CDK12: variants seen among roughly 807,000 people sequenced by gnomAD.
The protein encoded by CDK12 is cyclin dependent kinase 12.
A neutral mutation model predicts 133.8 loss-of-function variants in CDK12; 17 were observed. The observed-to-expected ratio is 0.13, with a 90% CI of 0.09 to 0.19. The LOEUF (loss-of-function observed/expected upper bound fraction) is 0.19. Among genes scored for constraint, CDK12 ranks in the 10% least tolerant of loss-of-function variants. CDK12 has a pLI of 1.00. For synonymous variants in CDK12, 694 were observed against 683.6 expected (o/e 1.02, Z -0.24); for missense variants, 1,508 against 1,818.7 (o/e 0.83, Z 3.11).
chr17:39,535,883 T>C (rs1199480471), downstream of CDK12, among the ~76,000 whole-genome samples: 1 of 152,214 alleles, frequency 6.6e-6, no homozygotes, highest in Non-Finnish European at 1.5e-5. Flanking sequence ...CTAAGTGGAA[T>C]GGGAATGGGG....
At chr17:39,464,834 C>T (rs2049184622) in intron 1 of CDK12, among the ~76,000 whole-genome samples, 2 of 151,470 alleles carry the variant, frequency 1.3e-5, no homozygotes, top group African/African-American at 4.9e-5. Context: ...CATCTGTAGT[C>T]CCCACTGCCT....
intron 1 of CDK12, among the ~76,000 whole-genome samples, chr17:39,539,556 T>C (rs1233611380): frequency 6.6e-6 from 1 of 152,146 alleles, no homozygotes; most frequent in Non-Finnish European, 1.5e-5. Context: ...ATTAATATCA[T>C]TAGCAGAGGC....
Position 39,483,367 on chromosome 17 carries a change from C to T in CDK12, c.1932-7190C>T, listed in dbSNP as rs115768665. Among the ~76,000 whole-genome samples, 1,469 of 151,852 alleles carry T rather than the reference C, an allele frequency of 9.7e-3. 30 individuals are homozygous for T. The highest frequency in any genetic ancestry group is 0.033 in the African/African-American group (1,383 of 41,366). ...GTATCCTCTACCTGCTAGGCTGGAG[C>T]GATCTTTCCACCTCAGCCTCTCAAG... On this transcript the variant is annotated intron_variant, in intron 2 of 13. Transcript: ENST00000447079.
intron 3 of CDK12, among the ~76,000 whole-genome samples, chr17:39,491,098 A>G (rs1379779011): frequency 6.6e-6 from 1 of 152,104 alleles, no homozygotes; most frequent in Non-Finnish European, 1.5e-5. Flanking sequence ...TAGATATGGG[A>G]TTTTTCTTCC....
chr17:39,508,622 C>A (rs929978965), intron 6 of CDK12, among the ~76,000 whole-genome samples: 1 of 151,892 alleles, frequency 6.6e-6, no homozygotes, highest in Non-Finnish European at 1.5e-5. Context: ...CACCATGGCA[C>A]ACATTTACCT....
Position 39,520,085 on chromosome 17 carries a change from A to G in CDK12, c.3093A>G (p.Pro1031=). Residue 1031 remains proline, a splice_region_variant and synonymous_variant, in exon 11 of 14, where the codon CCA becomes CCG. Transcript: ENST00000447079. ...KDVELSKMAP[P]DLPHWQDCHE... ...TCGAACTCAGCAAAATGGCTCCTCC[A>G]GAGTAAGTGCTGGTAGCCATGTTGT... 6.2e-7 allele frequency: 1 copy of G among 1,613,974 alleles called. No homozygotes were observed. The highest frequency in any genetic ancestry group is 8.5e-7 in the Non-Finnish European group (1 of 1,179,926).
rs1598195387 is a variant in CDK12, at chr17:39,531,760, G to A, written c.*444G>A. On this transcript the variant is annotated 3_prime_UTR_variant, in exon 14 of 14. Coordinates refer to ENST00000447079, the MANE Select transcript of CDK12 (RefSeq NM_016507.4). ...TTTGAATTTTAATTTAGGTGTTTTGGGTTTTTTTCCTTTAAAGAGAATAGT... is the reference window on the plus strand; with the variant it reads ...TTTGAATTTTAATTTAGGTGTTTTGAGTTTTTTTCCTTTAAAGAGAATAGT... 1 of 236,296 alleles carries A rather than the reference G, an allele frequency of 4.2e-6. No individual in the cohort carries two copies. Among genetic ancestry groups the A allele is most frequent in the South Asian group, 1.8e-4 (1 of 5,550 alleles). 14.6% of individuals were successfully genotyped at this position (236,296 alleles called of 1,614,324 possible).
At chr17:39,504,966 C>T (rs912429679) in intron 6 of CDK12, among the ~76,000 whole-genome samples, 1 of 149,588 alleles carries the variant, frequency 6.7e-6, no homozygotes, top group Non-Finnish European at 1.5e-5. Flanking sequence ...CGCAGTGGCT[C>T]ACACCTGTAA....
chr17:39,489,797 T>TC (rs1325613996), intron 2 of CDK12, among the ~76,000 whole-genome samples: 1 of 149,332 alleles, frequency 6.7e-6, no homozygotes, highest in Non-Finnish European at 1.5e-5. Flanking sequence ...TGGCCTAATT[T>TC]TTTTTTTTTT....
chr17:39,490,772 C>G, intron 3 of CDK12, 39 bp downstream of exon 3: 8 of 1,478,422 alleles, frequency 5.4e-6, no homozygotes, highest in Non-Finnish European at 6.5e-6. Flanking sequence ...TGATAGTTTT[C>G]TCCCTTCCTT....
chr17:39,530,881 A>G lies in CDK12; in HGVS notation c.4038A>G (p.Thr1346=), dbSNP rs2054794757. 6.2e-7 allele frequency: 1 copy of G among 1,614,082 alleles called. No individual in the cohort carries two copies. The highest frequency in any genetic ancestry group is 1.7e-5 in the Admixed American group (1 of 60,010). The change falls in exon 14 of 14, where the codon ACA becomes ACG. Residue 1346 remains threonine (T), a synonymous_variant. Transcript: ENST00000447079. ...ATGGAAACACTGATGGGCCTGAAAC[A>G]GGGTTCAGTGCCATTGACACTGATG... ...RTYGNTDGPE[T]GFSAIDTDER...
At chr17:39,476,049 T>A (rs2050166657) in intron 2 of CDK12, among the ~76,000 whole-genome samples, 1 of 151,978 alleles carries the variant, frequency 6.6e-6, no homozygotes, top group African/African-American at 2.4e-5. Context: ...AATATTAATG[T>A]GGGTAAGAAT....
In CDK12 at chr17:39,530,664, C is replaced by T. The variant is rs773144009; in HGVS notation, c.3821C>T (p.Pro1274Leu). ...KRPPEPPGPP[P>L]PPPPPPLVEG... ...CCCCCTGAGCCCCCCGGACCTCCAC[C>T]GCCGCCACCTCCACCCCCTCTGGTT... The change falls in exon 14 of 14, where the codon CCG (proline) becomes CTG (leucine). Residue 1274 changes from proline to leucine, a missense_variant. Pro to Leu is a moderately conservative substitution (Grantham distance 98). Coordinates refer to ENST00000447079, the MANE Select transcript of CDK12 (RefSeq NM_016507.4). 30 of 1,611,766 alleles carry T rather than the reference C, an allele frequency of 1.9e-5. No individual in the cohort carries two copies. The highest frequency in any genetic ancestry group is 5.0e-5 in the Admixed American group (3 of 59,902).
intron 1 of CDK12, among the ~76,000 whole-genome samples, chr17:39,470,447 T>G (rs2049710281): frequency 6.6e-6 from 1 of 152,148 alleles, no homozygotes; most frequent in South Asian, 2.1e-4. Flanking sequence ...TAAATGAACT[T>G]TATTTCTTTA....
chr17:39,476,114 T>C (rs991005470), intron 2 of CDK12, among the ~76,000 whole-genome samples: 2 of 151,770 alleles, frequency 1.3e-5, no homozygotes, highest in Admixed American at 1.3e-4. Context: ...AAAAGCATCT[T>C]GATGATTTTT....
upstream of CDK12, chr17:39,547,633 T>C (rs2055777467): frequency 6.6e-6 from 1 of 152,296 alleles, no homozygotes; most frequent in Non-Finnish European, 1.5e-5. Flanking sequence ...AATCAACTAC[T>C]AGGTGTTACT....
At chr17:39,545,432 G>C (rs1363150241), upstream of CDK12, among the ~76,000 whole-genome samples, 1 of 150,648 alleles carries the variant, frequency 6.6e-6, no homozygotes, top group Non-Finnish European at 1.5e-5. Flanking sequence ...CAAGCAGTCT[G>C]CCTGCCTCTG....
chr17:39,497,416 A>G (rs2052213569), intron 5 of CDK12, among the ~76,000 whole-genome samples: 1 of 151,814 alleles, frequency 6.6e-6, no homozygotes, highest in South Asian at 2.1e-4. Flanking sequence ...GGTGCTGGGC[A>G]CTTTTAATCC....
At chr17:39,513,969 T>G (rs2053642683) in intron 8 of CDK12, among the ~76,000 whole-genome samples, 1 of 152,254 alleles carries the variant, frequency 6.6e-6, no homozygotes, top group African/African-American at 2.4e-5. Context: ...TTCTTTTCTT[T>G]TTTAAATGTC....
Sources: allele counts gnomAD v4.1 joint callset (sites outside exome capture counted in the v4.1 genomes callset), GRCh38; gene constraint gnomAD v4.1.1; transcripts MANE v1.5; gene names NCBI Gene and HGNC (gene_info 2026-07-23, HGNC 2026-07-21).